The following CELF5 variants were observed in gnomAD, a reference collection of about 807,000 sequenced individuals.
The protein encoded by CELF5 is CUG-BP and ETR-3 like factor 5.
A neutral mutation model predicts 54.9 loss-of-function variants in CELF5; 6 were observed. The ratio of observed to expected loss-of-function variants is 0.11; its 90% CI spans 0.06 to 0.22. The LOEUF is 0.22. Among genes scored for constraint, CELF5 ranks in the 10% least tolerant of loss-of-function variants. The pLI, the probability that CELF5 is intolerant of heterozygous loss-of-function variation, is 1.00. For missense variants in CELF5, 401 were observed against 678.6 expected (o/e 0.59, Z 4.54); for synonymous variants, 271 against 290.9 (o/e 0.93, Z 0.70).
At chr19:3,227,069 G>A (rs1299414850) in intron 1 of CELF5, among the ~76,000 whole-genome samples, 2 of 152,166 alleles carry the variant, frequency 1.3e-5, no homozygotes, top group Admixed American at 6.5e-5. Flanking sequence ...TCCCAGGTCC[G>A]TCTGTGTGTG....
chr19:3,293,670 T>C, intron 12 of CELF5, 184 bp downstream of exon 12: 3 of 561,626 alleles, frequency 5.3e-6, no homozygotes, highest in Non-Finnish European at 9.4e-6. Flanking sequence ...CCCCCTGTGG[T>C]TGGGGCTGGA....
At chr19:3,265,225 C>T (rs1279975270) in intron 2 of CELF5, among the ~76,000 whole-genome samples, 1 of 152,042 alleles carries the variant, frequency 6.6e-6, no homozygotes, top group Non-Finnish European at 1.5e-5. Flanking sequence ...GGCGTCCTAG[C>T]TATTGAGGAG....
intron 1 of CELF5, among the ~76,000 whole-genome samples, chr19:3,246,187 A>G (rs1186570923): frequency 6.6e-6 from 1 of 151,612 alleles, no homozygotes; most frequent in African/African-American, 2.4e-5. Context: ...AACATGGTGA[A>G]ACCCTGTCTC....
intron 4 of CELF5, 30 bp downstream of exon 4, chr19:3,276,014 G>C (rs776614405): frequency 7.0e-7 from 1 of 1,422,462 alleles, no homozygotes; most frequent in Admixed American, 1.9e-5. Flanking sequence ...GCGGGACTGC[G>C]AGAGGGGCCG....
Position 3,275,021 on chromosome 19 carries a change from G to GTC in CELF5, c.395-824_395-823dup, listed in dbSNP as rs755676004. On this transcript the variant is annotated intron_variant, in intron 3 of 12. Transcript: ENST00000292672. This position sits in a 1 kb window ranked among gnomAD's most constrained non-coding sequence, Gnocchi z 6.7. ...TTCGCGCGCACTCTCTCTCTGATCT[G>GTC]TCTCTCTCTCTCCCTGATTCTCAGT... Among the ~76,000 whole-genome samples the GTC allele has an allele frequency of 1.3e-5, 2 of 151,288 alleles. No individual in the cohort carries two copies. Among genetic ancestry groups the GTC allele is most frequent in the Middle Eastern group, 3.2e-3 (1 of 314 alleles).
intron 5 of CELF5, among the ~76,000 whole-genome samples, chr19:3,279,171 G>T (rs903638461): frequency 3.3e-5 from 5 of 152,110 alleles, no homozygotes; most frequent in Admixed American, 2.6e-4. Flanking sequence ...ACAGGGAGGA[G>T]GGCTGATCAG....
chr19:3,275,823 G>A lies in CELF5; in HGVS notation c.395-33G>A, dbSNP rs199964218. ...TCCCGGAGGCCCTCCCGGAGGCCGG[G>A]GACTCGGCTGAGGTGGGTGTCGCCG... On this transcript the variant is annotated intron_variant, in intron 3 of 12. Coordinates refer to ENST00000292672, the MANE Select transcript of CELF5 (RefSeq NM_021938.4). This position sits in a 1 kb window ranked among gnomAD's most constrained non-coding sequence, Gnocchi z 6.7. 3.2e-5 allele frequency: 51 copies of A among 1,586,832 alleles called. No homozygotes were observed. Among genetic ancestry groups the A allele is most frequent in the Middle Eastern group, 1.7e-4 (1 of 5,952 alleles).
Position 3,281,315 on chromosome 19 carries a change from C to T in CELF5, c.720C>T (p.Pro240=). The part of the protein sequence containing the change: ...LGILTPSLTL[P]FSPYSAYAQA... The stretch of plus-strand genomic sequence containing the variant: ...TCCTGACGCCGTCCCTCACATTGCC[C>T]TTCAGCCCCTACAGTGCCTACGCCC... The change falls in exon 6 of 13, where the codon CCC becomes CCT. Residue 240 remains proline (P), a synonymous_variant. Coordinates refer to ENST00000292672, the MANE Select transcript of CELF5 (RefSeq NM_021938.4). The surrounding 1 kb of genome is among the most constrained non-coding windows in gnomAD (Gnocchi z 6.5). 6.2e-7 allele frequency: 1 copy of T among 1,610,770 alleles called. No individual in the cohort carries two copies. Among genetic ancestry groups the T allele is most frequent in the Non-Finnish European group, 8.5e-7 (1 of 1,179,732 alleles).
At chr19:3,290,464 A>G in intron 11 of CELF5, 90 bp downstream of exon 11, 1 of 1,420,902 alleles carries the variant, frequency 7.0e-7, no homozygotes, top group Non-Finnish European at 9.8e-7. Context: ...GCCTCGGGAC[A>G]GGGCTGTGCT....
rs894753752 is a variant in CELF5 at position 3,268,610 on chromosome 19, C to T, written c.343-5262C>T. ...TTTTGCTTTCCGAGGAGTCTACAAA[C>T]CCGTGTATCATTTCCGCTGTCATTT... On this transcript the variant is annotated intron_variant, in intron 2 of 12. Transcript: ENST00000292672. This position sits in a 1 kb window ranked among gnomAD's most constrained non-coding sequence, Gnocchi z 4.4. Among the ~76,000 whole-genome samples, 8 of 151,984 alleles carry T rather than the reference C, an allele frequency of 5.3e-5. No individual in the cohort carries two copies. The highest frequency in any genetic ancestry group is 1.7e-4 in the African/African-American group (7 of 41,386).
At chr19:3,241,661 G>C (rs1325861949) in intron 1 of CELF5, among the ~76,000 whole-genome samples, 1 of 152,094 alleles carries the variant, frequency 6.6e-6, no homozygotes, top group African/African-American at 2.4e-5. Flanking sequence ...TCCTTCAGGG[G>C]ATCCCTCTGG....
In CELF5 at chr19:3,268,809, G is replaced by A. The variant is rs2079918163; in HGVS notation, c.343-5063G>A. On this transcript the variant is annotated intron_variant, in intron 2 of 12. Transcript: ENST00000292672. This position sits in a 1 kb window ranked among gnomAD's most constrained non-coding sequence, Gnocchi z 4.4. The stretch of plus-strand genomic sequence containing the variant: ...AAGACAATGGAAGCAGATGGAGAGA[G>A]AGCACGGAAGACTTCAGGGAGGAGG... 6.6e-6 allele frequency among the ~76,000 whole-genome samples: 1 copy of A among 152,014 alleles called. No homozygotes were observed. The highest frequency in any genetic ancestry group is 2.4e-5 in the African/African-American group (1 of 41,376).
At chr19:3,266,209 G>A (rs930610926) in intron 2 of CELF5, among the ~76,000 whole-genome samples, 3 of 152,200 alleles carry the variant, frequency 2.0e-5, no homozygotes, top group Non-Finnish European at 2.9e-5. Flanking sequence ...TGGAAAGGCG[G>A]TAACTTCTAG....
chr19:3,257,779 A>G (rs1043226125), intron 2 of CELF5, among the ~76,000 whole-genome samples: 1 of 123,782 alleles, frequency 8.1e-6, no homozygotes, highest in Non-Finnish European at 1.7e-5. Context: ...CCCAGCCTCC[A>G]TTTTTTTTTA....
chr19:3,251,658 T>C (rs897181198), intron 2 of CELF5, among the ~76,000 whole-genome samples: 40 of 131,578 alleles, frequency 3.0e-4, no homozygotes, highest in Non-Finnish European at 5.5e-4. Flanking sequence ...GCTTCTTTTT[T>C]TTTTTTTTTT....
Position 3,281,446 on chromosome 19 carries a change from A to G in CELF5, c.750+101A>G. On this transcript the variant is annotated intron_variant, in intron 6 of 12. Transcript: ENST00000292672. The surrounding 1 kb of genome is among the most constrained non-coding windows in gnomAD (Gnocchi z 6.5). ...GCCTCTCCCTCCATCTCCCTGACTC[A>G]GGGTCCTCTCCTGGCGTGGCTGAAC... is the stretch of plus-strand genomic sequence containing the variant. 1 of 1,370,996 alleles carries G rather than the reference A, an allele frequency of 7.3e-7. No homozygotes were observed. Among genetic ancestry groups the G allele is most frequent in the South Asian group, 1.3e-5 (1 of 76,530 alleles). The allele number at this position is 1,370,996 out of a possible 1,614,324, so 84.9% of individuals were successfully genotyped here.
In CELF5 at chr19:3,293,516, C is replaced by G; in HGVS notation, c.*40+30C>G. The G allele has an allele frequency of 4.5e-6, 7 of 1,561,084 alleles. No individual in the cohort carries two copies. The South Asian group carries it at 8.1e-5, about 18-fold the overall frequency. ...GCCGCCAGGCGGCCCCACCCCCGCC[C>G]AAGCCCCCCGTCTTGTCTGAAACCC... is the stretch of plus-strand genomic sequence containing the variant. On this transcript the variant is annotated intron_variant, in intron 12 of 12. Transcript: ENST00000292672.
At chr19:3,269,497 C>T (rs1422855538) in intron 2 of CELF5, among the ~76,000 whole-genome samples, 2 of 152,178 alleles carry the variant, frequency 1.3e-5, no homozygotes, top group Non-Finnish European at 2.9e-5. Flanking sequence ...AACCTCTACT[C>T]TTCCAAAGGC....
intron 1 of CELF5, among the ~76,000 whole-genome samples, chr19:3,231,327 T>C (rs1365184822): frequency 6.6e-6 from 1 of 152,154 alleles, no homozygotes; most frequent in East Asian, 1.9e-4. Flanking sequence ...TGTGAATCAA[T>C]GGATACAGAC....
Sources: allele counts gnomAD v4.1 joint callset (sites outside exome capture counted in the v4.1 genomes callset), GRCh38; gene constraint gnomAD v4.1.1; non-coding constraint Gnocchi (gnomAD v3.1); transcripts MANE v1.5; gene names NCBI Gene and HGNC (gene_info 2026-07-23, HGNC 2026-07-21).